Variants in MIX23 observed in about 807,000 individuals in gnomAD.
MIX23 encodes protein MIX23.
In MIX23, 13 loss-of-function variants were observed where a neutral mutation model predicts 21.6. The observed-to-expected ratio is 0.60, with a 90% CI of 0.39 to 0.96. The LOEUF (loss-of-function observed/expected upper bound fraction) is 0.96. Among genes scored for constraint, MIX23 ranks in the 40% least tolerant of loss-of-function variants. The pLI is 0.00. For missense variants in MIX23, 144 were observed against 171.2 expected (o/e 0.84, Z 0.89); for synonymous variants, 59 against 58.0 (o/e 1.02, Z -0.08).
intron 1 of MIX23, among the ~76,000 whole-genome samples, chr3:122,377,788 C>T (rs758226391): frequency 1.3e-5 from 2 of 152,076 alleles, no homozygotes; most frequent in Non-Finnish European, 2.9e-5. Context: ...TTCAAGGTTA[C>T]GGTTACCTAT....
chr3:122,364,004 C>T (rs1187635641), intron 3 of MIX23, among the ~76,000 whole-genome samples: 1 of 152,096 alleles, frequency 6.6e-6, no homozygotes, highest in Non-Finnish European at 1.5e-5. Context: ...TTTCCTCAGG[C>T]CAAAGTGAAG....
At chr3:122,362,101 T>C (rs2075362537) in intron 4 of MIX23, among the ~76,000 whole-genome samples, 1 of 152,248 alleles carries the variant, frequency 6.6e-6, no homozygotes, top group Non-Finnish European at 1.5e-5. Context: ...TTTGACTATA[T>C]GTTTCTGGGA....
intron 3 of MIX23, among the ~76,000 whole-genome samples, chr3:122,366,024 A>G (rs752808319): frequency 3.3e-5 from 5 of 151,970 alleles, no homozygotes; most frequent in Non-Finnish European, 7.4e-5. Context: ...AAATACAAAA[A>G]AAAATTAGCT....
chr3:122,370,475 A>C (rs992294727), intron 2 of MIX23, among the ~76,000 whole-genome samples: 4 of 151,520 alleles, frequency 2.6e-5, no homozygotes, highest in Non-Finnish European at 5.9e-5. Context: ...AAAAAAAAAA[A>C]AAAAAACTGA....
At chr3:122,361,081 G>C (rs933500123) in intron 4 of MIX23, among the ~76,000 whole-genome samples, 1 of 152,188 alleles carries the variant, frequency 6.6e-6, no homozygotes, top group Admixed American at 6.5e-5. Context: ...CTGACCTCAA[G>C]AGACCCACTC....
chr3:122,362,999 A>G lies in MIX23; in HGVS notation c.353T>C (p.Val118Ala). The change falls in exon 4 of 5, where the codon GTT becomes GCT. Residue 118 changes from valine to alanine, a missense_variant. Transcript: ENST00000291458. Reference protein sequence around the residue: ...KLKWMQSELNVEEVVNDRSWK... With the variant: ...KLKWMQSELNAEEVVNDRSWK... ...GCTCCTGTCATTTACCACTTCTTCAACATTCAGTTCTGACTGCATCCATTT... is the reference window on the plus strand; with the variant it reads ...GCTCCTGTCATTTACCACTTCTTCAGCATTCAGTTCTGACTGCATCCATTT... 4 of 1,613,334 alleles carry G rather than the reference A, an allele frequency of 2.5e-6. No homozygotes were observed. Among genetic ancestry groups the G allele is most frequent in the Non-Finnish European group, 3.4e-6 (4 of 1,179,618 alleles).
chr3:122,359,830 TAAAAAAAAAAAAAAAAAAAA>T lies in MIX23; in HGVS notation c.*19_*38del. ...AGCTCTTATGAGATGACCCAGTCCT[TAAAAAAAAAAAAAAAAAAAA>T]AAAAAAAAGAATCTCTCTTTATTCA... is the stretch of plus-strand genomic sequence containing the variant. On this transcript the variant is annotated 3_prime_UTR_variant, in exon 5 of 5. Transcript: ENST00000291458. The T allele has an allele frequency of 3.0e-6, 3 of 1,005,476 alleles. No individual in the cohort carries two copies. In the East Asian group the frequency reaches 1.4e-4, roughly 48 times the overall value. The allele number at this position is 1,005,476 out of a possible 1,614,324, so 62.3% of individuals were successfully genotyped here. A position where few individuals can be genotyped will look rare whatever the true frequency, so the allele number is the denominator to read the frequency against.
intron 2 of MIX23, among the ~76,000 whole-genome samples, chr3:122,370,581 C>A (rs2075434065): frequency 6.6e-6 from 1 of 151,096 alleles, no homozygotes; most frequent in Non-Finnish European, 1.5e-5. Context: ...AATCACTACA[C>A]TATAAACGTC....
At chr3:122,360,105 C>A (rs950070202) in intron 4 of MIX23, among the ~76,000 whole-genome samples, 186 bp from the exon 5 acceptor site, 3 of 152,004 alleles carry the variant, frequency 2.0e-5, no homozygotes, top group African/African-American at 7.3e-5. Context: ...GCACAGAAGG[C>A]CTTGACATCC....
At chr3:122,376,435 C>T (rs1559993892) in intron 1 of MIX23, among the ~76,000 whole-genome samples, 2 of 151,428 alleles carry the variant, frequency 1.3e-5, no homozygotes, top group South Asian at 2.1e-4. Flanking sequence ...TTGGACAACA[C>T]GGTGAAACCC....
chr3:122,370,658 G>A (rs1169589011), intron 2 of MIX23, among the ~76,000 whole-genome samples: 1 of 152,062 alleles, frequency 6.6e-6, no homozygotes, highest in African/African-American at 2.4e-5. Context: ...GAGTAGTGAG[G>A]TGAGAGAGGG....
intron 1 of MIX23, among the ~76,000 whole-genome samples, chr3:122,379,584 G>T (rs563659744): frequency 1.2e-4 from 19 of 152,276 alleles, no homozygotes; most frequent in African/African-American, 3.6e-4. Context: ...CGGAGGCTTA[G>T]CCCCAATGGC....
intron 3 of MIX23, chr3:122,367,810 G>A (rs1360648371): frequency 4.8e-6 from 1 of 208,804 alleles, no homozygotes; most frequent in African/African-American, 2.4e-5. Context: ...TTTTTCTCAG[G>A]TTATGTCTCA....
rs1211075851 is a variant in MIX23 at position 122,359,832 on chromosome 3, A to T, written c.*37T>A. On this transcript the variant is annotated 3_prime_UTR_variant, in exon 5 of 5. Coordinates refer to ENST00000291458, the MANE Select transcript of MIX23 (RefSeq NM_001017928.4). ...CTCTTATGAGATGACCCAGTCCTTA[A>T]AAAAAAAAAAAAAAAAAAAAAAAAA... 9 of 411,208 alleles carry T rather than the reference A, an allele frequency of 2.2e-5. No individual in the cohort carries two copies. Among genetic ancestry groups the T allele is most frequent in the African/African-American group, 1.6e-4 (6 of 37,608 alleles). 25.5% of individuals were successfully genotyped at this position (411,208 alleles called of 1,614,324 possible). A position where few individuals can be genotyped will look rare whatever the true frequency, so the allele number is the denominator to read the frequency against.
rs527562300 is a variant in MIX23 at position 122,359,830 on chromosome 3, TAAA to T, written c.*36_*38del. 3,765 of 1,005,200 alleles carry T rather than the reference TAAA, an allele frequency of 3.7e-3. 3 individuals carry two copies. Among genetic ancestry groups the T allele is most frequent in the African/African-American group, 0.011 (323 of 30,690 alleles). 62.3% of individuals were successfully genotyped at this position (1,005,200 alleles called of 1,614,324 possible). On this transcript the variant is annotated 3_prime_UTR_variant, in exon 5 of 5. Coordinates refer to ENST00000291458, the MANE Select transcript of MIX23 (RefSeq NM_001017928.4). ...AGCTCTTATGAGATGACCCAGTCCT[TAAA>T]AAAAAAAAAAAAAAAAAAAAAAAAA... is the stretch of plus-strand genomic sequence containing the variant.
intron 3 of MIX23, chr3:122,366,744 A>C (rs936048288): frequency 2.6e-5 from 4 of 152,090 alleles, no homozygotes; most frequent in Admixed American, 2.6e-4. Flanking sequence ...GTTTGAGATA[A>C]ACCCGTGTAA....
chr3:122,367,400 G>C (rs1244753693), intron 3 of MIX23, among the ~76,000 whole-genome samples: 1 of 152,038 alleles, frequency 6.6e-6, no homozygotes, highest in African/African-American at 2.4e-5. Context: ...TTGTTTCCTT[G>C]ACACGTCACA....
chr3:122,364,612 T>C (rs1251262321), intron 3 of MIX23, among the ~76,000 whole-genome samples: 1 of 152,138 alleles, frequency 6.6e-6, no homozygotes, highest in Admixed American at 6.5e-5. Flanking sequence ...CTTCGAACAT[T>C]AGAACTGTCC....
chr3:122,368,010 CTA>C (rs2075409754), intron 3 of MIX23, 164 bp downstream of exon 3: 2 of 621,078 alleles, frequency 3.2e-6, no homozygotes, highest in Non-Finnish European at 5.6e-6. Flanking sequence ...CAATTAATAA[CTA>C]AACATAATAA....
Sources: gnomAD v4.1 joint callset for allele counts (sites outside exome capture counted in the v4.1 genomes callset) on GRCh38, gnomAD v4.1.1 for gene constraint, MANE v1.5 for transcripts, NCBI Gene and HGNC (gene_info 2026-07-23, HGNC 2026-07-21) for gene names.